MAP2K7: variants seen among roughly 807,000 people sequenced by gnomAD.
MAP2K7 encodes dual specificity mitogen-activated protein kinase kinase 7.
Under a neutral mutation model 47.7 loss-of-function variants are expected in MAP2K7, and 12 were observed. The ratio of observed to expected loss-of-function variants is 0.25; its 90% CI spans 0.16 to 0.41. The LOEUF (loss-of-function observed/expected upper bound fraction) is 0.41, where lower values mean the gene tolerates loss of function less well. MAP2K7 is among the 10% of genes least tolerant of loss of function. MAP2K7 has a pLI of 1.00. For synonymous variants in MAP2K7, 299 were observed against 243.0 expected (o/e 1.23, Z -2.14); for missense variants, 415 against 600.3 (o/e 0.69, Z 3.23).
intron 8 of MAP2K7, 46 bp from the exon 9 acceptor site, chr19:7,911,390 G>A (rs1555701311): frequency 1.9e-6 from 3 of 1,613,302 alleles, no homozygotes; most frequent in South Asian, 2.2e-5. Context: ...GGGACTCGGA[G>A]GGAGGAGAAC....
In MAP2K7 at chr19:7,909,992, G is replaced by A. The variant is rs534682844; in HGVS notation, c.267-71G>A. ...GGGTGGTTAAACCGGTGGGAACCCCGGTATGGGGGACTGGGGTGGCCAACC... is the reference window on the plus strand; with the variant it reads ...GGGTGGTTAAACCGGTGGGAACCCCAGTATGGGGGACTGGGGTGGCCAACC... On this transcript the variant is annotated intron_variant, in intron 2 of 10. Coordinates refer to ENST00000397979, the MANE Select transcript of MAP2K7 (RefSeq NM_145185.4). The A allele has an allele frequency of 2.5e-5, 38 of 1,521,050 alleles. No individual in the cohort carries two copies. The Admixed American group carries it at 3.5e-4, about 14-fold the overall frequency. The allele number at this position is 1,521,050 out of a possible 1,614,324, so 94.2% of individuals were successfully genotyped here. A position where few individuals can be genotyped will look rare whatever the true frequency, so the allele number is the denominator to read the frequency against.
chr19:7,912,413 C>T lies in MAP2K7; in HGVS notation c.1242C>T (p.His414=), dbSNP rs761745379. ...PRTSGVLSQP[H]LPFFR ...CTAGCGGCGTCCTGAGCCAGCCCCA[C>T]CTGCCCTTCTTCAGGTAGCTGCTTG... The change falls in exon 11 of 11, where the codon CAC becomes CAT. Residue 414 remains histidine, a synonymous_variant. Transcript: ENST00000397979. 1.2e-6 allele frequency: 2 copies of T among 1,612,416 alleles called. No homozygotes were observed. The highest frequency in any genetic ancestry group is 1.7e-6 in the Non-Finnish European group (2 of 1,179,904).
intron 1 of MAP2K7, chr19:7,904,463 G>GC (rs1982308447): frequency 1.1e-5 from 4 of 374,436 alleles, no homozygotes; most frequent in Non-Finnish European, 1.6e-5. Flanking sequence ...ACTGTCTGGC[G>GC]CCCCCCTCCC....
intron 1 of MAP2K7, among the ~76,000 whole-genome samples, chr19:7,907,441 C>T (rs934260634): frequency 2.0e-5 from 3 of 152,218 alleles, no homozygotes; most frequent in South Asian, 2.1e-4. Context: ...ACATGGCAGC[C>T]GGTGCACCTG....
At position 7,913,138 on chromosome 19, in the gene MAP2K7, G is replaced by C. The variant is rs1222717383; in HGVS notation, c.*707G>C. ...TACTTGGTGGGGTGTTTGGGGTGGG[G>C]GCGGAGGAGAGCTTGTTCTCGTGGG... On this transcript the variant is annotated 3_prime_UTR_variant, in exon 11 of 11. Transcript: ENST00000397979. 1 of 152,588 alleles carries C rather than the reference G, an allele frequency of 6.6e-6. No homozygotes were observed. Among genetic ancestry groups the C allele is most frequent in the Non-Finnish European group, 1.5e-5 (1 of 68,086 alleles). 9.5% of individuals were successfully genotyped at this position (152,588 alleles called of 1,614,324 possible).
chr19:7,904,266 A>T (rs1379958820), intron 1 of MAP2K7, among the ~76,000 whole-genome samples, 198 bp downstream of exon 1: 2 of 151,690 alleles, frequency 1.3e-5, no homozygotes, highest in South Asian at 4.1e-4. Context: ...GGGGGTTCGC[A>T]CCCTCAGGGC....
At position 7,913,965 on chromosome 19, in the gene MAP2K7, C is replaced by G. The variant is rs923433601; in HGVS notation, c.*1534C>G. The G allele has an allele frequency of 1.3e-5, 2 of 152,224 alleles. No individual in the cohort carries two copies. Among genetic ancestry groups the G allele is most frequent in the Non-Finnish European group, 2.9e-5 (2 of 67,998 alleles). The allele number at this position is 152,224 out of a possible 1,614,324, so 9.4% of individuals were successfully genotyped here. A position where few individuals can be genotyped will look rare whatever the true frequency, so the allele number is the denominator to read the frequency against. Reference sequence around the variant, plus strand: ...AGTCATAGATGTCATCTTCTCTCTGCCCCCAGGGAGGAAAGCCACCTTCTC... The same window carrying G: ...AGTCATAGATGTCATCTTCTCTCTGGCCCCAGGGAGGAAAGCCACCTTCTC... On this transcript the variant is annotated 3_prime_UTR_variant, in exon 11 of 11. Coordinates refer to ENST00000397979, the MANE Select transcript of MAP2K7 (RefSeq NM_145185.4).
chr19:7,908,623 A>C (rs1982612871), intron 1 of MAP2K7, among the ~76,000 whole-genome samples: 2 of 151,882 alleles, frequency 1.3e-5, no homozygotes, highest in Non-Finnish European at 2.9e-5. Context: ...GGCTTTGGAG[A>C]GCGGCAGGCC....
In MAP2K7 at chr19:7,904,413, T is replaced by G. The variant is rs576678383; in HGVS notation, c.124+345T>G. 310 of 348,256 alleles carry G rather than the reference T, an allele frequency of 8.9e-4. 4 individuals are homozygous for G. Among genetic ancestry groups the G allele is most frequent in the South Asian group, 5.7e-3 (287 of 50,730 alleles). 21.6% of individuals were successfully genotyped at this position (348,256 alleles called of 1,614,324 possible). On this transcript the variant is annotated intron_variant, in intron 1 of 10. Coordinates refer to ENST00000397979, the MANE Select transcript of MAP2K7 (RefSeq NM_145185.4). ...AGGTCGCCCCGAAAACACAGACACGTCCCTGTTGACCTGATGCTACCACTC... is the reference window on the plus strand; with the variant it reads ...AGGTCGCCCCGAAAACACAGACACGGCCCTGTTGACCTGATGCTACCACTC...
intron 1 of MAP2K7, chr19:7,904,495 C>T: frequency 2.9e-6 from 1 of 339,616 alleles, no homozygotes; most frequent in Non-Finnish European, 5.9e-6. Flanking sequence ...GCTTGTCAGC[C>T]CCGTGCAGCG....
Position 7,911,074 on chromosome 19 carries a change from T to A in MAP2K7, c.770T>A (p.Ile257Asn), listed in dbSNP as rs1439010437. ...SNILLDERGQ[I>N]KLCDFGISGR... ...ATCCTGCTGGACGAGCGGGGCCAGA[T>A]CAAGCTCTGCGACTTCGGCATCAGC... The change falls in exon 7 of 11, where the codon ATC (isoleucine) becomes AAC (asparagine). Residue 257 changes from isoleucine to asparagine, a missense_variant. Physicochemically the swap from Ile to Asn is moderately radical, Grantham distance 149. Coordinates refer to ENST00000397979, the MANE Select transcript of MAP2K7 (RefSeq NM_145185.4). 1 of 1,612,308 alleles carries A rather than the reference T, an allele frequency of 6.2e-7. No homozygotes were observed. Among genetic ancestry groups the A allele is most frequent in the Non-Finnish European group, 8.5e-7 (1 of 1,179,850 alleles).
In MAP2K7 at chr19:7,913,644, G is replaced by A. The variant is rs372134723; in HGVS notation, c.*1213G>A. ...CTGGGAAGGACCGGGTGAGTGCACCGGGGACCCAGGCCAGGTGCCCCCCGG... is the reference window on the plus strand; with the variant it reads ...CTGGGAAGGACCGGGTGAGTGCACCAGGGACCCAGGCCAGGTGCCCCCCGG... On this transcript the variant is annotated 3_prime_UTR_variant, in exon 11 of 11. Coordinates refer to ENST00000397979, the MANE Select transcript of MAP2K7 (RefSeq NM_145185.4). 5.3e-5 allele frequency: 8 copies of A among 152,080 alleles called. No homozygotes were observed. Among genetic ancestry groups the A allele is most frequent in the Non-Finnish European group, 8.8e-5 (6 of 67,992 alleles). The allele number at this position is 152,080 out of a possible 1,614,324, so 9.4% of individuals were successfully genotyped here.
At chr19:7,905,360 G>C (rs1252123128) in intron 1 of MAP2K7, among the ~76,000 whole-genome samples, 4 of 152,158 alleles carry the variant, frequency 2.6e-5, no homozygotes, top group Non-Finnish European at 5.9e-5. Context: ...ACCTGAGTCA[G>C]CGTGGGTTCC....
At chr19:7,910,641 C>A (rs984468444) in intron 5 of MAP2K7, 55 bp from the exon 6 acceptor site, 3 of 1,609,082 alleles carry the variant, frequency 1.9e-6, no homozygotes, top group Non-Finnish European at 1.7e-6. Flanking sequence ...GGGAGCAGAG[C>A]CTCTGGGGGG....
chr19:7,912,089 G>C (rs961668576), intron 9 of MAP2K7, 60 bp from the exon 10 acceptor site: 1 of 1,534,686 alleles, frequency 6.5e-7, no homozygotes, highest in Admixed American at 1.7e-5. Flanking sequence ...GAGCACAGGG[G>C]TGGGGCCGGC....
intron 1 of MAP2K7, chr19:7,906,099 G>C (rs1311589285): frequency 1.8e-6 from 1 of 552,142 alleles, no homozygotes; most frequent in African/African-American, 1.9e-5. Context: ...TGGAGGAGGA[G>C]GTGGGCTCCC....
intron 3 of MAP2K7, 29 bp downstream of exon 3, chr19:7,910,158 G>A (rs1982727382): frequency 6.3e-7 from 1 of 1,594,134 alleles, no homozygotes; most frequent in Non-Finnish European, 8.5e-7. Context: ...CGGGGAGAGG[G>A]AGGAGGCCCA....
Position 7,909,726 on chromosome 19 carries a change from C to T in MAP2K7, c.125-29C>T, listed in dbSNP as rs75933398. 9.5e-6 allele frequency: 14 copies of T among 1,479,578 alleles called. No homozygotes were observed. In the Admixed American group the frequency reaches 2.1e-4, roughly 22 times the overall value. The allele number at this position is 1,479,578 out of a possible 1,614,324, so 91.7% of individuals were successfully genotyped here. On this transcript the variant is annotated intron_variant, in intron 1 of 10. Transcript: ENST00000397979. The stretch of plus-strand genomic sequence containing the variant: ...TGACACCAGCTGGGCGCTGACCCCC[C>T]TCCCTGCCACTGGTTCTCACCCCCC...
rs1983101237 is a variant in MAP2K7, at chr19:7,913,801, CA to C, written c.*1373del. The C allele has an allele frequency of 6.6e-6, 1 of 152,278 alleles. No homozygotes were observed. Among genetic ancestry groups the C allele is most frequent in the Non-Finnish European group, 1.5e-5 (1 of 67,970 alleles). The allele number at this position is 152,278 out of a possible 1,614,324, so 9.4% of individuals were successfully genotyped here. A position where few individuals can be genotyped will look rare whatever the true frequency, so the allele number is the denominator to read the frequency against. On this transcript the variant is annotated 3_prime_UTR_variant, in exon 11 of 11. Transcript: ENST00000397979. ...AAAAACACAAAACCCCGTAAAATCA[CA>C]AAGAAAATCCAACACCAAAGGCGCA...
Sources: gnomAD v4.1 joint callset for allele counts (sites outside exome capture counted in the v4.1 genomes callset) on GRCh38, gnomAD v4.1.1 for gene constraint, MANE v1.5 for transcripts, NCBI Gene and HGNC (gene_info 2026-07-23, HGNC 2026-07-21) for gene names.